Variants in PLCB4 observed in about 807,000 individuals in gnomAD.
The protein encoded by PLCB4 is phospholipase C beta 4.
Under a neutral mutation model 178.8 loss-of-function variants are expected in PLCB4, and 77 were observed. The observed-to-expected ratio is 0.43, with a 90% CI of 0.36 to 0.52. The LOEUF (loss-of-function observed/expected upper bound fraction) is 0.52. Among genes scored for constraint, PLCB4 ranks in the 20% least tolerant of loss-of-function variants. The pLI is 0.00. For synonymous variants in PLCB4, 496 were observed against 490.8 expected (o/e 1.01, Z -0.14); for missense variants, 1,024 against 1,453.4 (o/e 0.70, Z 4.80).
chr20:9,183,681 GT>G (rs2093284198), intron 2 of PLCB4, among the ~76,000 whole-genome samples: 1 of 151,984 alleles, frequency 6.6e-6, no homozygotes, highest in Admixed American at 6.6e-5. Context: ...GTATACAGAC[GT>G]TTAAAGTTGT....
At chr20:9,404,838 G>A (rs1312410058) in intron 20 of PLCB4, among the ~76,000 whole-genome samples, 1 of 152,130 alleles carries the variant, frequency 6.6e-6, no homozygotes, top group Admixed American at 6.5e-5. Context: ...AAGGAGGCAA[G>A]CTCTCTCTTG....
At chr20:9,394,372 A>G (rs753868999) in intron 18 of PLCB4, among the ~76,000 whole-genome samples, 5 of 152,186 alleles carry the variant, frequency 3.3e-5, no homozygotes, top group African/African-American at 4.8e-5. Flanking sequence ...GCACTAACAT[A>G]TATTATACAC....
intron 4 of PLCB4, among the ~76,000 whole-genome samples, chr20:9,328,822 C>T (rs2031161384): frequency 6.6e-6 from 1 of 152,164 alleles, no homozygotes; most frequent in South Asian, 2.1e-4. Context: ...GTGGACACAT[C>T]AGAGTGAGGT....
intron 1 of PLCB4, among the ~76,000 whole-genome samples, chr20:9,071,646 T>A (rs2089580247): frequency 1.3e-5 from 2 of 152,302 alleles, no homozygotes; most frequent in Admixed American, 6.5e-5. Context: ...TTAAAAAAAA[T>A]TAGTAATTAG....
intron 20 of PLCB4, among the ~76,000 whole-genome samples, chr20:9,404,764 G>A (rs950285406): frequency 2.3e-4 from 35 of 152,110 alleles, no homozygotes; most frequent in Admixed American, 2.1e-3. Flanking sequence ...AAGGTTCCAC[G>A]CAATCAGTTC....
intron 2 of PLCB4, among the ~76,000 whole-genome samples, chr20:9,184,831 C>A (rs1336012061): frequency 6.6e-6 from 1 of 152,178 alleles, no homozygotes; most frequent in Admixed American, 6.5e-5. Flanking sequence ...CTGTAAAATA[C>A]TCTAGTTTTT....
chr20:9,377,760 G>A (rs1007181059), intron 12 of PLCB4, among the ~76,000 whole-genome samples: 2 of 152,166 alleles, frequency 1.3e-5, no homozygotes, highest in East Asian at 3.8e-4. Context: ...AATTTTAATA[G>A]TGTTTAATTG....
chr20:9,434,672 G>A (rs1394032686), intron 28 of PLCB4, among the ~76,000 whole-genome samples: 1 of 151,872 alleles, frequency 6.6e-6, no homozygotes, highest in Non-Finnish European at 1.5e-5. Flanking sequence ...TACTGCGTCC[G>A]GCCAACCATG....
chr20:9,267,548 G>A (rs1464281345), intron 3 of PLCB4, among the ~76,000 whole-genome samples: 1 of 151,780 alleles, frequency 6.6e-6, no homozygotes, highest in African/African-American at 2.4e-5. Flanking sequence ...GATTTTTGAG[G>A]TTATTTTTCT....
chr20:9,465,865 T>G (rs940745996), intron 35 of PLCB4, among the ~76,000 whole-genome samples: 1 of 152,122 alleles, frequency 6.6e-6, no homozygotes, highest in Non-Finnish European at 1.5e-5. Context: ...CTGCCCAAGG[T>G]AATTTATAGA....
intron 2 of PLCB4, among the ~76,000 whole-genome samples, chr20:9,172,303 A>G (rs917325115): frequency 2.0e-5 from 3 of 152,174 alleles, no homozygotes; most frequent in Non-Finnish European, 4.4e-5. Flanking sequence ...ATAAGAGAGA[A>G]GTCACCAAGC....
At chr20:9,361,596 G>A (rs1310746964) in intron 7 of PLCB4, among the ~76,000 whole-genome samples, 2 of 152,132 alleles carry the variant, frequency 1.3e-5, no homozygotes, top group Non-Finnish European at 2.9e-5. Flanking sequence ...TGTACTTACT[G>A]CCACTGAATT....
rs2044763021 is a variant in PLCB4, at chr20:9,479,485, T to A, written c.*476T>A. On this transcript the variant is annotated 3_prime_UTR_variant, in exon 40 of 40. Transcript: ENST00000378473. ...TGCTAGACAAATAATTTTGCAAAAT[T>A]TTTCTACATCTAAGTTACCTCATCA... The A allele has an allele frequency of 1.3e-5, 2 of 156,200 alleles. No individual in the cohort carries two copies. The highest frequency in any genetic ancestry group is 6.3e-5 in the Admixed American group (1 of 15,914). The allele number at this position is 156,200 out of a possible 1,614,324, so 9.7% of individuals were successfully genotyped here.
chr20:9,338,900 A>C lies in PLCB4; in HGVS notation c.232A>C (p.Lys78Gln). Residue 78 changes from lysine to glutamine, a missense_variant, in exon 7 of 40, where the codon AAA becomes CAA. Physicochemically the swap from Lys to Gln is moderately conservative, Grantham distance 53. This residue lies in a region of PLCB4 where 225 missense variants were observed against 291.0 expected (regional missense o/e 0.77). Transcript: ENST00000378473. ...IRSGAIPKDP[K>Q]ILAALEAVGK... ...TCTGTGTACCTCTATACAGGATCCC[A>C]AAATCTTGGCTGCTCTTGAAGCTGT... 6.2e-7 allele frequency: 1 copy of C among 1,612,966 alleles called. No individual in the cohort carries two copies.
At chr20:9,199,944 C>G (rs1328975279) in intron 2 of PLCB4, among the ~76,000 whole-genome samples, 1 of 145,162 alleles carries the variant, frequency 6.9e-6, no homozygotes, top group Non-Finnish European at 1.5e-5. Flanking sequence ...TCCTGTCAAT[C>G]TCAGCCTACA....
At chr20:9,143,722 TTATAC>T (rs1285299703) in intron 2 of PLCB4, among the ~76,000 whole-genome samples, 1 of 152,134 alleles carries the variant, frequency 6.6e-6, no homozygotes, top group Non-Finnish European at 1.5e-5. Context: ...TTTTAGGAGA[TTATAC>T]TATACAGGGT....
intron 32 of PLCB4, among the ~76,000 whole-genome samples, chr20:9,448,916 T>C (rs976653): frequency 0.22 from 33,157 of 152,026 alleles, 4,111 homozygotes; most frequent in East Asian, 0.36. Context: ...TGCAAATAGG[T>C]GTGCAATTTG....
At position 9,390,513 on chromosome 20, in the gene PLCB4, C is replaced by T. The variant is rs1259318712; in HGVS notation, c.1239-18C>T. ...TAATGGGTGTTTGAATTTACAAATG[C>T]CACTTTTTTCTCTCCAGCAAATATC... is the stretch of plus-strand genomic sequence containing the variant. On this transcript the variant is annotated intron_variant, in intron 16 of 39. Coordinates refer to ENST00000378473, the MANE Select transcript of PLCB4 (RefSeq NM_001377142.1). The T allele has an allele frequency of 3.7e-6, 5 of 1,340,388 alleles. No individual in the cohort carries two copies. Among genetic ancestry groups the T allele is most frequent in the Non-Finnish European group, 5.4e-6 (5 of 933,508 alleles). The allele number at this position is 1,340,388 out of a possible 1,614,324, so 83.0% of individuals were successfully genotyped here. A position where few individuals can be genotyped will look rare whatever the true frequency, so the allele number is the denominator to read the frequency against.
At chr20:9,253,113 C>CATTA (rs1359178185) in intron 3 of PLCB4, among the ~76,000 whole-genome samples, 1 of 152,194 alleles carries the variant, frequency 6.6e-6, no homozygotes, top group African/African-American at 2.4e-5. Flanking sequence ...CTAGCCTAGA[C>CATTA]TAATCCTGAT....
Sources: allele counts gnomAD v4.1 joint callset (sites outside exome capture counted in the v4.1 genomes callset), GRCh38; gene constraint gnomAD v4.1.1; regional missense constraint gnomAD v4.1.1; transcripts MANE v1.5; gene names NCBI Gene and HGNC (gene_info 2026-07-23, HGNC 2026-07-21).